Variants in LRRIQ3 observed in about 807,000 individuals in gnomAD.
The protein encoded by LRRIQ3 is leucine-rich repeat and IQ domain-containing protein 3.
A neutral mutation model predicts 59.3 loss-of-function variants in LRRIQ3; 75 were observed. The ratio of observed to expected loss-of-function variants is 1.26; its 90% confidence interval spans 1.05 to 1.53. The LOEUF is 1.53. LRRIQ3 is among the 40% of genes most tolerant of loss of function. The probability of loss-of-function intolerance (pLI) is 0.00; values close to 1 mark genes in which losing one functional copy is unlikely to be tolerated. For missense variants in LRRIQ3, 831 were observed against 710.0 expected (o/e 1.17, Z -1.94); for synonymous variants, 250 against 231.3 (o/e 1.08, Z -0.73).
At chr1:74,046,809 C>A (rs1484703551) in intron 6 of LRRIQ3, among the ~76,000 whole-genome samples, 1 of 152,100 alleles carries the variant, frequency 6.6e-6, no homozygotes, top group Non-Finnish European at 1.5e-5. Context: ...AGACATTTCT[C>A]AAAAGAAGGC....
chr1:74,139,827 T>A lies in LRRIQ3; in HGVS notation c.707+15906A>T, dbSNP rs149415275. ...TGAAAATAGAGTTCTAAAATTTTTA[T>A]ATGGTCAAGAAGAAGAGTAAAGGTA... On this transcript the variant is annotated intron_variant, in intron 4 of 7. Transcript: ENST00000354431. 2.3e-3 allele frequency among the ~76,000 whole-genome samples: 343 copies of A among 152,062 alleles called. 4 individuals carry two copies. Among genetic ancestry groups the A allele is most frequent in the African/African-American group, 7.5e-3 (311 of 41,532 alleles).
intron 4 of LRRIQ3, among the ~76,000 whole-genome samples, chr1:74,139,141 CATGT>C (rs1557635697): frequency 6.7e-5 from 9 of 133,720 alleles, no homozygotes; most frequent in African/African-American, 2.5e-4. Flanking sequence ...TATATATATA[CATGT>C]GTGTGTGTAT....
rs143408844 is a variant in LRRIQ3, at chr1:74,193,734, T to A, written c.-1+4262A>T. Reference sequence around the variant, plus strand: ...TATTTTAAGTAATATATTAAAATATTAGATTTGATGGTCTACATGAAAGTA... The same window carrying A: ...TATTTTAAGTAATATATTAAAATATAAGATTTGATGGTCTACATGAAAGTA... On this transcript the variant is annotated intron_variant, in intron 1 of 7. Coordinates refer to ENST00000354431, the MANE Select transcript of LRRIQ3 (RefSeq NM_001105659.2). 2.0e-4 allele frequency among the ~76,000 whole-genome samples: 31 copies of A among 152,192 alleles called. No homozygotes were observed. In the East Asian group the frequency reaches 5.8e-3, roughly 28 times the overall value.
intron 3 of LRRIQ3, among the ~76,000 whole-genome samples, chr1:74,157,368 C>T (rs577259004): frequency 2.2e-4 from 33 of 152,014 alleles, no homozygotes; most frequent in Non-Finnish European, 4.7e-4. Flanking sequence ...AAGATTGGCA[C>T]TCTATTATGA....
Position 74,041,629 on chromosome 1 carries a change from T to A in LRRIQ3, c.1302A>T (p.Glu434Asp). 7 of 1,613,876 alleles carry A rather than the reference T, an allele frequency of 4.3e-6. No individual in the cohort carries two copies. Among genetic ancestry groups the A allele is most frequent in the Non-Finnish European group, 5.9e-6 (7 of 1,179,886 alleles). ...DKYYTEQKKQEYHKEKVRVVA... is the reference protein window; with the variant it reads ...DKYYTEQKKQDYHKEKVRVVA... Reference sequence around the variant, plus strand: ...CAACTCTTACTTTTTCTTTATGGTATTCCTGCTTCTTTTGTTCTGTGTAAT... The same window carrying A: ...CAACTCTTACTTTTTCTTTATGGTAATCCTGCTTCTTTTGTTCTGTGTAAT... The change falls in exon 7 of 8, where the codon GAA (glutamate) becomes GAT (aspartate). Residue 434 changes from glutamate (E) to aspartate (D), a missense_variant. By Grantham distance (45) the Glu-to-Asp change is conservative. Transcript: ENST00000354431.
intron 5 of LRRIQ3, among the ~76,000 whole-genome samples, chr1:74,077,607 T>C (rs1321602625): frequency 1.3e-5 from 2 of 152,016 alleles, no homozygotes; most frequent in East Asian, 1.9e-4. Flanking sequence ...CTCCTAATTA[T>C]CCTTTTTCAT....
chr1:74,151,711 C>T (rs1007521693), intron 4 of LRRIQ3, among the ~76,000 whole-genome samples: 13 of 152,090 alleles, frequency 8.5e-5, no homozygotes, highest in African/African-American at 3.1e-4. Flanking sequence ...CCAAAACTCT[C>T]TTACAGGTCA....
At position 74,182,833 on chromosome 1, in the gene LRRIQ3, CA is replaced by C; in HGVS notation, c.277del (p.Trp93GlyfsTer4). 6.5e-7 allele frequency: 1 copy of C among 1,535,772 alleles called. No homozygotes were observed. The highest frequency in any genetic ancestry group is 8.8e-7 in the Non-Finnish European group (1 of 1,139,992). ...QIKSLPNTKF[W>X]NGLKNLKLLY... ...TAGTTTTAGGTTCTTCAATCCATTC[CA>C]AAATTTGGTATTTGGTAGACTCTTT... On this transcript the variant is annotated frameshift_variant, in exon 3 of 8. Coordinates refer to ENST00000354431, the MANE Select transcript of LRRIQ3 (RefSeq NM_001105659.2). LOFTEE classifies it high-confidence loss of function.
intron 3 of LRRIQ3, among the ~76,000 whole-genome samples, chr1:74,158,960 C>G (rs1648505355): frequency 6.6e-6 from 1 of 152,118 alleles, no homozygotes; most frequent in African/African-American, 2.4e-5. Context: ...TCAGCCCCAG[C>G]CAGCACACAG....
chr1:74,107,395 C>T (rs2100556442), intron 5 of LRRIQ3, among the ~76,000 whole-genome samples: 1 of 151,942 alleles, frequency 6.6e-6, no homozygotes, highest in South Asian at 2.1e-4. Context: ...CTCCTTAACC[C>T]TTTCACTGTT....
chr1:74,144,799 C>A (rs1418626769), intron 4 of LRRIQ3, among the ~76,000 whole-genome samples: 2 of 151,542 alleles, frequency 1.3e-5, no homozygotes, highest in East Asian at 1.9e-4. Flanking sequence ...AGTTTCCCAA[C>A]CTTATATCTA....
At chr1:74,030,637 A>G (rs1253727653) in intron 7 of LRRIQ3, among the ~76,000 whole-genome samples, 1 of 152,220 alleles carries the variant, frequency 6.6e-6, no homozygotes, top group Non-Finnish European at 1.5e-5. Context: ...CTTAAATGTT[A>G]GACCTAAAAC....
At chr1:74,151,216 C>T (rs1258509959) in intron 4 of LRRIQ3, among the ~76,000 whole-genome samples, 2 of 151,724 alleles carry the variant, frequency 1.3e-5, no homozygotes, top group African/African-American at 2.4e-5. Flanking sequence ...CGGGGTTTCA[C>T]CATGTTGGCC....
chr1:74,088,547 A>C (rs891429520), intron 5 of LRRIQ3, among the ~76,000 whole-genome samples: 6 of 152,090 alleles, frequency 3.9e-5, no homozygotes, highest in African/African-American at 1.4e-4. Context: ...TTCTGACAAC[A>C]GTACCAAGAT....
At chr1:74,129,538 C>T (rs1397357323) in intron 4 of LRRIQ3, among the ~76,000 whole-genome samples, 2 of 152,006 alleles carry the variant, frequency 1.3e-5, no homozygotes, top group Non-Finnish European at 2.9e-5. Flanking sequence ...GAGCCAAGAC[C>T]AAAGCCTGGA....
chr1:74,136,268 C>T (rs953591233), intron 4 of LRRIQ3, among the ~76,000 whole-genome samples: 1 of 151,912 alleles, frequency 6.6e-6, no homozygotes, highest in African/African-American at 2.4e-5. Context: ...AAATCCAAGG[C>T]ACAGATGGCT....
At chr1:74,037,511 G>A (rs1459674638) in intron 7 of LRRIQ3, among the ~76,000 whole-genome samples, 1 of 152,004 alleles carries the variant, frequency 6.6e-6, no homozygotes, top group Non-Finnish European at 1.5e-5. Flanking sequence ...GGTGGCGGAC[G>A]CTTGTAATCC....
intron 5 of LRRIQ3, among the ~76,000 whole-genome samples, chr1:74,086,368 C>A (rs903154377): frequency 2.0e-5 from 3 of 152,190 alleles, no homozygotes; most frequent in South Asian, 2.1e-4. Context: ...TTAATCTTAA[C>A]CTGGTCCAAT....
intron 6 of LRRIQ3, among the ~76,000 whole-genome samples, chr1:74,060,955 T>C (rs1654705943): frequency 6.6e-6 from 1 of 152,068 alleles, no homozygotes; most frequent in African/African-American, 2.4e-5. Flanking sequence ...AGCGTCCCAC[T>C]CTCACCACAG....
Sources: allele counts gnomAD v4.1 joint callset (sites outside exome capture counted in the v4.1 genomes callset), GRCh38; gene constraint gnomAD v4.1.1; transcripts MANE v1.5; gene names NCBI Gene and HGNC (gene_info 2026-07-23, HGNC 2026-07-21).